Variants in SIPA1L2 observed in about 807,000 individuals in gnomAD.
SIPA1L2 encodes the protein signal induced proliferation associated 1 like 2.
A neutral mutation model predicts 163.9 loss-of-function variants in SIPA1L2; 56 were observed. The ratio of observed to expected loss-of-function variants is 0.34; its 90% CI spans 0.28 to 0.43. SIPA1L2 has a LOEUF of 0.43. SIPA1L2 is among the 20% of genes least tolerant of loss of function. SIPA1L2 has a pLI of 1.00. For synonymous variants in SIPA1L2, 877 were observed against 865.7 expected (o/e 1.01, Z -0.23); for missense variants, 1,974 against 2,193.5 (o/e 0.90, Z 2.00).
At chr1:232,538,180 G>A (rs1657426385) in intron 2 of SIPA1L2, among the ~76,000 whole-genome samples, 1 of 152,158 alleles carries the variant, frequency 6.6e-6, no homozygotes, top group Non-Finnish European at 1.5e-5. Flanking sequence ...TGGGATCACG[G>A]TCAGGCCAGG....
chr1:232,553,644 T>C (rs1434892531), intron 2 of SIPA1L2, among the ~76,000 whole-genome samples: 4 of 152,204 alleles, frequency 2.6e-5, no homozygotes, highest in Non-Finnish European at 4.4e-5. Context: ...AGTTAGCTGC[T>C]CGACTGTCTC....
chr1:232,579,193 A>C (rs1019193720), intron 1 of SIPA1L2, among the ~76,000 whole-genome samples: 5 of 152,146 alleles, frequency 3.3e-5, no homozygotes, highest in Non-Finnish European at 4.4e-5. Context: ...GAAGGCAAAC[A>C]TTTTCTTTCC....
intron 1 of SIPA1L2, among the ~76,000 whole-genome samples, chr1:232,604,496 C>T (rs958691503): frequency 1.3e-5 from 2 of 152,198 alleles, no homozygotes; most frequent in African/African-American, 2.4e-5. Flanking sequence ...AATCTCACAA[C>T]AATCTTTCAC....
intron 1 of SIPA1L2, among the ~76,000 whole-genome samples, chr1:232,581,401 C>T (rs113574787): frequency 6.6e-6 from 1 of 152,230 alleles, no homozygotes; most frequent in African/African-American, 2.4e-5. Flanking sequence ...TCATAGATCA[C>T]AGAGAAAGGG....
chr1:232,513,232 T>C (rs960947576), intron 3 of SIPA1L2, among the ~76,000 whole-genome samples: 1 of 152,240 alleles, frequency 6.6e-6, no homozygotes, highest in African/African-American at 2.4e-5. Context: ...GAAGAATGCA[T>C]CCTTCAAGCC....
intron 3 of SIPA1L2, among the ~76,000 whole-genome samples, chr1:232,495,693 G>A (rs1666149224): frequency 6.6e-6 from 1 of 152,038 alleles, no homozygotes; most frequent in Non-Finnish European, 1.5e-5. Context: ...TGCTGCTTTG[G>A]TCAGCGACGC....
chr1:232,513,889 GC>G lies in SIPA1L2; in HGVS notation c.1450del (p.Ala484ProfsTer19). On this transcript the variant is annotated frameshift_variant, in exon 3 of 23. Transcript: ENST00000674635. LOFTEE classifies it high-confidence loss of function. ...ATAGAAGAATTTGCGGTAATAATAGGCCCCAAGGTCAATGTGTTCTATGATG... is the reference window on the plus strand; with the variant it reads ...ATAGAAGAATTTGCGGTAATAATAGGCCCAAGGTCAATGTGTTCTATGATG... ...RYIIEHIDLGAYYYRKFFYGK... is the reference protein window; with the variant it reads ...RYIIEHIDLGXYYYRKFFYGK... 6.3e-7 allele frequency: 1 copy of G among 1,597,678 alleles called. No individual in the cohort carries two copies. The highest frequency in any genetic ancestry group is 8.5e-7 in the Non-Finnish European group (1 of 1,173,992).
chr1:232,557,280 C>T (rs1462366160), intron 2 of SIPA1L2, among the ~76,000 whole-genome samples: 1 of 152,190 alleles, frequency 6.6e-6, no homozygotes, highest in Non-Finnish European at 1.5e-5. Context: ...CTACCTAAGG[C>T]ACCCCATAAT....
intron 2 of SIPA1L2, among the ~76,000 whole-genome samples, chr1:232,524,619 G>A (rs1211171671): frequency 6.6e-6 from 1 of 152,082 alleles, no homozygotes; most frequent in African/African-American, 2.4e-5. Context: ...AGTCTTAACA[G>A]TCAGTGATCA....
chr1:232,607,770 A>G (rs1662009833), intron 1 of SIPA1L2, among the ~76,000 whole-genome samples: 1 of 151,790 alleles, frequency 6.6e-6, no homozygotes, highest in African/African-American at 2.4e-5. Context: ...TAAAAAAAAA[A>G]AAACGCCGGG....
chr1:232,470,113 C>G (rs1246890733), intron 8 of SIPA1L2, among the ~76,000 whole-genome samples: 3 of 152,062 alleles, frequency 2.0e-5, no homozygotes, highest in Non-Finnish European at 4.4e-5. Context: ...GCTGGATGAG[C>G]TCCCAGGAAA....
intron 22 of SIPA1L2, among the ~76,000 whole-genome samples, chr1:232,402,138 A>G (rs1270345510): frequency 6.6e-6 from 1 of 152,152 alleles, no homozygotes; most frequent in Non-Finnish European, 1.5e-5. Context: ...TCTACTACAC[A>G]CTGAAGATTT....
chr1:232,547,348 G>A (rs1473262760), intron 2 of SIPA1L2, among the ~76,000 whole-genome samples: 1 of 151,652 alleles, frequency 6.6e-6, no homozygotes, highest in African/African-American at 2.4e-5. Context: ...CCTGGGATAT[G>A]GGAACGCAAC....
intron 1 of SIPA1L2, among the ~76,000 whole-genome samples, chr1:232,616,428 A>G (rs371006000): frequency 6.6e-6 from 1 of 152,178 alleles, no homozygotes; most frequent in South Asian, 2.1e-4. Context: ...GAAGAATGAG[A>G]GTGGAAGGGA....
At chr1:232,406,669 G>A (rs183845449) in intron 19 of SIPA1L2, among the ~76,000 whole-genome samples, 10 of 152,120 alleles carry the variant, frequency 6.6e-5, no homozygotes, top group Non-Finnish European at 1.2e-4. Flanking sequence ...ATTGGTGGGG[G>A]TGAATGGTCT....
Position 232,459,367 on chromosome 1 carries a change from A to G in SIPA1L2, c.3095+1520T>C, listed in dbSNP as rs550289938. Among the ~76,000 whole-genome samples the G allele has an allele frequency of 2.6e-5, 4 of 152,322 alleles. No individual in the cohort carries two copies. The South Asian group carries it at 8.3e-4, about 32-fold the overall frequency. ...AAGTGCTAATGGAGAGTGCTGGCTT[A>G]AAGGAGGAAGAAAGGAAACAGAGAA... On this transcript the variant is annotated intron_variant, in intron 10 of 22. Transcript: ENST00000674635.
intron 18 of SIPA1L2, among the ~76,000 whole-genome samples, chr1:232,424,348 AAAG>A (rs1661763143): frequency 2.1e-5 from 3 of 145,760 alleles, no homozygotes; most frequent in Admixed American, 1.4e-4. Context: ...AAAAAAAAAA[AAAG>A]GACATACATC....
rs373302367 is a variant in SIPA1L2, at chr1:232,425,626, C to T, written c.4593G>A (p.Pro1531=). The change falls in exon 18 of 23, where the codon CCG becomes CCA. Residue 1531 remains proline, a synonymous_variant. Transcript: ENST00000674635. ...TTPPYHSTLP[P]RAHPAPSMGS... Reference sequence around the variant, plus strand: ...CCATGCTGGGTGCGGGGTGGGCCCGCGGAGGCAGCGTGCTGTGGTAGGGTG... The same window carrying T: ...CCATGCTGGGTGCGGGGTGGGCCCGTGGAGGCAGCGTGCTGTGGTAGGGTG... The T allele has an allele frequency of 2.0e-5, 32 of 1,609,158 alleles. No individual in the cohort carries two copies. The highest frequency in any genetic ancestry group is 9.4e-5 in the African/African-American group (7 of 74,856).
intron 8 of SIPA1L2, among the ~76,000 whole-genome samples, chr1:232,466,496 C>T (rs1664518904): frequency 6.6e-6 from 1 of 152,172 alleles, no homozygotes; most frequent in South Asian, 2.1e-4. Flanking sequence ...AATGAATTAA[C>T]AAAGGAAGGA....
Sources: allele counts gnomAD v4.1 joint callset (sites outside exome capture counted in the v4.1 genomes callset), GRCh38; gene constraint gnomAD v4.1.1; transcripts MANE v1.5; gene names NCBI Gene and HGNC (gene_info 2026-07-23, HGNC 2026-07-21).